Variants in SLC14A2 observed in about 807,000 individuals in gnomAD.
The protein encoded by SLC14A2 is urea transporter 2.
A neutral mutation model predicts 104.6 loss-of-function variants in SLC14A2; 91 were observed. The observed-to-expected ratio is 0.87, with a 90% CI of 0.73 to 1.04. The LOEUF (loss-of-function observed/expected upper bound fraction) is 1.04, where lower values mean the gene tolerates loss of function less well. SLC14A2 is among the 50% of genes least tolerant of loss of function. The pLI is 0.00. For missense variants in SLC14A2, 1,189 were observed against 1,156.0 expected, an observed-to-expected ratio of 1.03 and a Z score of -0.41; for synonymous variants, 476 against 466.4, an observed-to-expected ratio of 1.02 and a Z score of -0.27.
intron 2 of SLC14A2, among the ~76,000 whole-genome samples, chr18:45,543,907 G>A (rs2043928013): frequency 6.6e-6 from 1 of 152,214 alleles, no homozygotes; most frequent in Non-Finnish European, 1.5e-5. Flanking sequence ...AATGTTGGCA[G>A]GTGGAGGCAA....
chr18:45,410,950 A>G (rs533254198), intron 1 of SLC14A2, among the ~76,000 whole-genome samples: 44 of 152,332 alleles, frequency 2.9e-4, no homozygotes, highest in Middle Eastern at 3.4e-3. Context: ...CCCATCCAGG[A>G]CCATAAACTT....
At chr18:45,419,295 A>G (rs2086313254) in intron 1 of SLC14A2, among the ~76,000 whole-genome samples, 1 of 152,218 alleles carries the variant, frequency 6.6e-6, no homozygotes, top group Non-Finnish European at 1.5e-5. Flanking sequence ...AAAGTTTCTC[A>G]CAGGCCCCTT....
intron 2 of SLC14A2, among the ~76,000 whole-genome samples, chr18:45,536,143 A>G (rs72902341): frequency 2.2e-3 from 328 of 152,308 alleles, no homozygotes; most frequent in Non-Finnish European, 4.1e-3. Flanking sequence ...CCTATGTGAG[A>G]GAAAACAGTC....
Position 45,632,472 on chromosome 18 carries a change from T to C in SLC14A2, c.644T>C (p.Met215Thr), listed in dbSNP as rs2045361071. 1 of 1,613,470 alleles carries C rather than the reference T, an allele frequency of 6.2e-7. No individual in the cohort carries two copies. Among genetic ancestry groups the C allele is most frequent in the Admixed American group, 1.7e-5 (1 of 59,842 alleles). Residue 215 changes from methionine to threonine, a missense_variant, in exon 5 of 20, where the codon ATG becomes ACG. Coordinates refer to ENST00000255226, the MANE Select transcript of SLC14A2 (RefSeq NM_007163.4). ...WLLFPVTFTA[M>T]SCPVLSSALN... is the part of the protein sequence containing the mutation. Reference sequence around the variant, plus strand: ...CTGTTTCCTGTGACCTTCACAGCCATGTCCTGGTGAGGCACCTCATTTTTT... The same window carrying C: ...CTGTTTCCTGTGACCTTCACAGCCACGTCCTGGTGAGGCACCTCATTTTTT...
At position 45,672,950 on chromosome 18, in the gene SLC14A2, C is replaced by A. The variant is rs1355727113; in HGVS notation, c.2280C>A (p.Asn760Lys). 88 of 1,614,008 alleles carry A rather than the reference C, an allele frequency of 5.5e-5. No individual in the cohort carries two copies. Among genetic ancestry groups the A allele is most frequent in the Non-Finnish European group, 7.0e-5 (83 of 1,179,994 alleles). The change falls in exon 17 of 20, where the codon AAC becomes AAA. Residue 760 changes from asparagine (N) to lysine (K), a missense_variant. By Grantham distance (94) the Asn-to-Lys change is moderately conservative (BLOSUM62 0). Coordinates refer to ENST00000255226, the MANE Select transcript of SLC14A2 (RefSeq NM_007163.4). The stretch of plus-strand genomic sequence containing the variant: ...TTGGCCAAGTGTACGGCTGTGATAA[C>A]CCCTGGACTGGAGGCATCTTCCTCA... ...VGIGQVYGCDNPWTGGIFLIA... is the reference protein window; with the variant it reads ...VGIGQVYGCDKPWTGGIFLIA...
At chr18:45,268,092 G>A (rs1350958366) in intron 1 of SLC14A2, among the ~76,000 whole-genome samples, 2 of 152,030 alleles carry the variant, frequency 1.3e-5, no homozygotes, top group Admixed American at 1.3e-4. Flanking sequence ...CATTAATCAT[G>A]TCCACCCTCT....
At chr18:45,434,011 C>A (rs16978365) in intron 1 of SLC14A2, among the ~76,000 whole-genome samples, 1 of 151,942 alleles carries the variant, frequency 6.6e-6, no homozygotes, top group South Asian at 2.1e-4. Flanking sequence ...GCAGATAGTC[C>A]TTTACACCTA....
chr18:45,263,574 T>TGGTACA (rs2084561521), intron 1 of SLC14A2, among the ~76,000 whole-genome samples: 1 of 152,188 alleles, frequency 6.6e-6, no homozygotes, highest in Admixed American at 6.5e-5. Context: ...AATGTAGAGT[T>TGGTACA]TTAATGATGA....
At chr18:45,171,840 A>G in the SLC14A2 span, among the ~76,000 whole-genome samples, 1 of 152,066 alleles carries the variant, frequency 6.6e-6, no homozygotes, top group East Asian at 1.9e-4. Context: ...TGTCTGAATC[A>G]CTCAAATCTT....
intron 2 of SLC14A2, among the ~76,000 whole-genome samples, chr18:45,557,219 A>C (rs981646432): frequency 6.6e-6 from 1 of 152,210 alleles, no homozygotes; most frequent in Non-Finnish European, 1.5e-5. Context: ...TGACTGCTGC[A>C]GCTTTGTAAC....
Position 45,309,678 on chromosome 18 carries a change from A to T in SLC14A2, c.-125+96487A>T, listed in dbSNP as rs550557876. On this transcript the variant is annotated intron_variant, in intron 1 of 20. Transcript: ENST00000586448. The stretch of plus-strand genomic sequence containing the variant: ...GCTCAGAGCATTAGTTTTCTTTTTT[A>T]AAAAAAATTGGTTTTGTTGCTAATT... Among the ~76,000 whole-genome samples, 17 of 152,104 alleles carry T rather than the reference A, an allele frequency of 1.1e-4. No homozygotes were observed. In the East Asian group the frequency reaches 1.4e-3, roughly 12 times the overall value.
At chr18:45,586,962 GAA>G (rs575631605) in intron 2 of SLC14A2, among the ~76,000 whole-genome samples, 1 of 148,654 alleles carries the variant, frequency 6.7e-6, no homozygotes, top group Non-Finnish European at 1.5e-5. Flanking sequence ...GTCCTTACTA[GAA>G]AAAAAAAAGT....
intron 1 of SLC14A2, among the ~76,000 whole-genome samples, chr18:45,253,188 G>A (rs375059712): frequency 1.2e-4 from 18 of 152,086 alleles, no homozygotes; most frequent in East Asian, 7.7e-4. Context: ...CCAATATTTC[G>A]CATTGCAATG....
rs186264702 is a variant in SLC14A2 at position 45,463,783 on chromosome 18, G to T, written c.-124-19450G>T. 3.9e-4 allele frequency among the ~76,000 whole-genome samples: 59 copies of T among 152,254 alleles called. 1 individual carries two copies. Among genetic ancestry groups the T allele is most frequent in the Admixed American group, 1.2e-3 (19 of 15,300 alleles). ...AGAGTGTGTGGATATGGGCTAACCTGCCATGTAATAAGCCCGTGACACATG... is the reference window on the plus strand; with the variant it reads ...AGAGTGTGTGGATATGGGCTAACCTTCCATGTAATAAGCCCGTGACACATG... On this transcript the variant is annotated intron_variant, in intron 1 of 20. Transcript: ENST00000586448.
chr18:45,329,856 G>T lies in SLC14A2; in HGVS notation c.-125+116665G>T, dbSNP rs147695331. Among the ~76,000 whole-genome samples, 217 of 152,198 alleles carry T rather than the reference G, an allele frequency of 1.4e-3. 1 individual carries two copies. Among genetic ancestry groups the T allele is most frequent in the African/African-American group, 5.0e-3 (206 of 41,508 alleles). ...CAAAAACTTAGGTAAACTCAACTAGGCAGACACCCAGTTTAAATTCCAAGT... is the reference window on the plus strand; with the variant it reads ...CAAAAACTTAGGTAAACTCAACTAGTCAGACACCCAGTTTAAATTCCAAGT... On this transcript the variant is annotated intron_variant, in intron 1 of 20. Coordinates refer to the SLC14A2 transcript ENST00000586448.
intron 2 of SLC14A2, among the ~76,000 whole-genome samples, chr18:45,581,252 G>T (rs553596644): frequency 1.3e-5 from 2 of 152,204 alleles, no homozygotes; most frequent in African/African-American, 4.8e-5. Flanking sequence ...TCTCATGGAC[G>T]TGGGCCACCC....
chr18:45,228,386 G>T (rs927752624), intron 1 of SLC14A2, among the ~76,000 whole-genome samples: 2 of 152,102 alleles, frequency 1.3e-5, no homozygotes, highest in African/African-American at 4.8e-5. Context: ...TCCCTTAGGT[G>T]TTCCTTGATG....
At chr18:45,256,045 A>G (rs1398815661) in intron 1 of SLC14A2, among the ~76,000 whole-genome samples, 3 of 152,142 alleles carry the variant, frequency 2.0e-5, no homozygotes, top group Non-Finnish European at 4.4e-5. Flanking sequence ...TGTCTCGCCC[A>G]CTGACAAGCT....
intron 1 of SLC14A2, among the ~76,000 whole-genome samples, chr18:45,252,050 A>T (rs1320815537): frequency 1.3e-5 from 2 of 152,294 alleles, no homozygotes; most frequent in East Asian, 3.9e-4. Context: ...AGGCTGTGTT[A>T]CTGATGAAAG....
Sources: allele counts gnomAD v4.1 joint callset (sites outside exome capture counted in the v4.1 genomes callset), GRCh38; gene constraint gnomAD v4.1.1; transcripts MANE v1.5; gene names NCBI Gene and HGNC (gene_info 2026-07-23, HGNC 2026-07-21).